SLC35F1: variants seen among roughly 807,000 people sequenced by gnomAD.
SLC35F1 encodes the protein chromosome 6 open reading frame 169.
A neutral mutation model predicts 48.7 loss-of-function variants in SLC35F1; 14 were observed. The ratio of observed to expected loss-of-function variants is 0.29; its 90% CI spans 0.19 to 0.45. The LOEUF is 0.45. SLC35F1 is among the 20% of genes least tolerant of loss of function. The pLI is 1.00. For synonymous variants in SLC35F1, 190 were observed against 202.2 expected (o/e 0.94, Z 0.51); for missense variants, 404 against 500.0 (o/e 0.81, Z 1.83).
chr6:117,992,168 T>C (rs1376066256), intron 1 of SLC35F1, among the ~76,000 whole-genome samples: 1 of 152,142 alleles, frequency 6.6e-6, no homozygotes, highest in Non-Finnish European at 1.5e-5. Context: ...TTTTCTTTCC[T>C]CTTTTCCATC....
At chr6:117,913,363 A>G (rs1260476480) in intron 1 of SLC35F1, among the ~76,000 whole-genome samples, 2 of 152,232 alleles carry the variant, frequency 1.3e-5, no homozygotes, top group Non-Finnish European at 2.9e-5. Context: ...GAATACACAC[A>G]TGTGACGAAA....
chr6:118,239,318 G>A (rs1375825057), intron 3 of SLC35F1, among the ~76,000 whole-genome samples: 3 of 150,914 alleles, frequency 2.0e-5, no homozygotes, highest in African/African-American at 7.3e-5. Context: ...GGAGCTCCCA[G>A]TGGTCCTTTA....
chr6:118,229,022 G>A (rs1026976344), intron 2 of SLC35F1, among the ~76,000 whole-genome samples: 1 of 151,314 alleles, frequency 6.6e-6, no homozygotes, highest in African/African-American at 2.4e-5. Context: ...CTACCCCTGG[G>A]GTGAACAAGA....
intron 3 of SLC35F1, among the ~76,000 whole-genome samples, chr6:118,246,464 G>A (rs972898404): frequency 2.0e-5 from 3 of 152,138 alleles, no homozygotes; most frequent in African/African-American, 4.8e-5. Flanking sequence ...AGCTACACAC[G>A]AAATGCCATG....
chr6:118,260,869 G>T (rs2114613710), intron 3 of SLC35F1, among the ~76,000 whole-genome samples: 1 of 152,234 alleles, frequency 6.6e-6, no homozygotes, highest in South Asian at 2.1e-4. Context: ...TGTAATATTA[G>T]TTGTGTGTAT....
At chr6:118,043,368 CA>C (rs1369497045) in intron 1 of SLC35F1, among the ~76,000 whole-genome samples, 1 of 151,348 alleles carries the variant, frequency 6.6e-6, no homozygotes, top group Non-Finnish European at 1.5e-5. Flanking sequence ...GTCTTAGCAT[CA>C]AATCTGTCAC....
chr6:118,159,539 C>G (rs1240730335), intron 2 of SLC35F1, among the ~76,000 whole-genome samples: 2 of 152,156 alleles, frequency 1.3e-5, no homozygotes, highest in African/African-American at 2.4e-5. Context: ...CTAGGGAACT[C>G]TCAAAAGATG....
In SLC35F1 at chr6:117,937,857, C is replaced by T. The variant is rs149861716; in HGVS notation, c.173+29958C>T. Among the ~76,000 whole-genome samples the T allele has an allele frequency of 1.2e-4, 19 of 152,276 alleles. No individual in the cohort carries two copies. The East Asian group carries it at 2.5e-3, about 20-fold the overall frequency. ...CAGGCCAAACATCACATCCATGTTA[C>T]ACCCTCTACTTGTCTTCACCCTCCA... is the stretch of plus-strand genomic sequence containing the variant. On this transcript the variant is annotated intron_variant, in intron 1 of 7. Transcript: ENST00000360388.
At chr6:118,074,193 T>G (rs1484812873) in intron 1 of SLC35F1, among the ~76,000 whole-genome samples, 3 of 152,206 alleles carry the variant, frequency 2.0e-5, no homozygotes, top group Non-Finnish European at 4.4e-5. Context: ...GTCCCTGAAA[T>G]GTGCAAAGCA....
chr6:117,923,836 CAT>C (rs1562239104), intron 1 of SLC35F1, among the ~76,000 whole-genome samples: 1 of 134,416 alleles, frequency 7.4e-6, no homozygotes, highest in East Asian at 2.1e-4. Context: ...TACATATACA[CAT>C]TACATATATG....
intron 2 of SLC35F1, among the ~76,000 whole-genome samples, chr6:118,184,360 G>C (rs1322529186): frequency 2.0e-5 from 3 of 152,176 alleles, no homozygotes; most frequent in African/African-American, 7.2e-5. Context: ...GAATTTCCAA[G>C]CTCCACCACA....
chr6:118,156,807 A>C (rs1774151295), intron 2 of SLC35F1, among the ~76,000 whole-genome samples: 1 of 152,194 alleles, frequency 6.6e-6, no homozygotes, highest in Admixed American at 6.5e-5. Flanking sequence ...AAGATGGTAC[A>C]CTGTATTTAG....
intron 1 of SLC35F1, among the ~76,000 whole-genome samples, chr6:117,910,857 A>T (rs1775752922): frequency 6.6e-6 from 1 of 152,236 alleles, no homozygotes; most frequent in Admixed American, 6.5e-5. Context: ...AACTGCAAAC[A>T]CATACGCTAT....
intron 1 of SLC35F1, among the ~76,000 whole-genome samples, chr6:118,058,487 C>G (rs545923121): frequency 6.6e-6 from 1 of 151,898 alleles, no homozygotes; most frequent in Non-Finnish European, 1.5e-5. Context: ...TTTCTGTATA[C>G]CACCTTGAGA....
intron 1 of SLC35F1, among the ~76,000 whole-genome samples, chr6:118,092,647 AAGCCACAG>A (rs1264023668): frequency 6.6e-6 from 1 of 152,148 alleles, no homozygotes; most frequent in Admixed American, 6.5e-5. Flanking sequence ...GTACCCTACA[AAGCCACAG>A]AGGTGGAGCT....
intron 2 of SLC35F1, among the ~76,000 whole-genome samples, chr6:118,176,476 T>C (rs1428091838): frequency 5.3e-5 from 8 of 152,250 alleles, no homozygotes. Context: ...ATTAAAGGCA[T>C]GAGCCATAGT....
chr6:118,119,620 C>G (rs1773527296), intron 1 of SLC35F1, among the ~76,000 whole-genome samples: 1 of 151,532 alleles, frequency 6.6e-6, no homozygotes, highest in Non-Finnish European at 1.5e-5. Flanking sequence ...TCTCCTGCCT[C>G]AGCCTCCTGA....
intron 1 of SLC35F1, among the ~76,000 whole-genome samples, chr6:118,100,847 T>C (rs1330117785): frequency 1.3e-5 from 2 of 152,206 alleles, no homozygotes; most frequent in Non-Finnish European, 2.9e-5. Context: ...ACATGGTTGG[T>C]CTTTCTGTTG....
chr6:118,283,200 T>G (rs958948970), intron 6 of SLC35F1, among the ~76,000 whole-genome samples: 3 of 152,196 alleles, frequency 2.0e-5, no homozygotes, highest in African/African-American at 7.2e-5. Flanking sequence ...CAGGAACTTT[T>G]CATGTGCAGG....
Sources: gnomAD v4.1 joint callset for allele counts (sites outside exome capture counted in the v4.1 genomes callset) on GRCh38, gnomAD v4.1.1 for gene constraint, MANE v1.5 for transcripts, NCBI Gene and HGNC (gene_info 2026-07-23, HGNC 2026-07-21) for gene names.